Variants in RIT2 observed in about 807,000 individuals in gnomAD.
RIT2 encodes GTP-binding protein Rit2.
RIT2 carries 24 observed loss-of-function variants against 23.7 expected under a neutral mutation model. That is an observed-to-expected ratio of 1.01 (90% confidence interval 0.73 to 1.43). The LOEUF is 1.43. Ranked by LOEUF, RIT2 falls within the 40% of genes most tolerant of loss-of-function variation. The pLI is 0.00. For missense variants in RIT2, 236 were observed against 266.9 expected, an observed-to-expected ratio of 0.88 and a Z score of 0.81; for synonymous variants, 107 against 91.1, an observed-to-expected ratio of 1.17 and a Z score of -0.99.
intron 1 of RIT2, among the ~76,000 whole-genome samples, chr18:43,110,907 TAAAATATTTACTATAGG>T (rs1280432332): frequency 6.6e-6 from 1 of 152,154 alleles, no homozygotes; most frequent in African/African-American, 2.4e-5. Context: ...ACATAGATAG[TAAAATATTTACTATAGG>T]AAAACAAATT....
chr18:42,987,408 T>C (rs1182757910), intron 2 of RIT2, among the ~76,000 whole-genome samples: 2 of 152,170 alleles, frequency 1.3e-5, no homozygotes, highest in African/African-American at 2.4e-5. Flanking sequence ...GCAACCTAGA[T>C]ACCTATCTGA....
intron 4 of RIT2, among the ~76,000 whole-genome samples, chr18:42,822,937 A>T (rs750397840): frequency 5.9e-5 from 9 of 152,180 alleles, no homozygotes; most frequent in Non-Finnish European, 1.0e-4. Context: ...CCTTGGAAGC[A>T]GAGTTTAGGC....
chr18:42,959,567 T>G (rs559848121), intron 3 of RIT2, among the ~76,000 whole-genome samples: 98 of 152,336 alleles, frequency 6.4e-4, no homozygotes, highest in Non-Finnish European at 1.2e-3. Flanking sequence ...AGACTTCCAT[T>G]CAATTTTGAA....
intron 3 of RIT2, among the ~76,000 whole-genome samples, chr18:42,954,567 A>G (rs959208470): frequency 5.3e-5 from 8 of 152,012 alleles, no homozygotes; most frequent in African/African-American, 1.9e-4. Context: ...ACACAGCCTC[A>G]CAAGCTCCAT....
intron 1 of RIT2, among the ~76,000 whole-genome samples, chr18:43,110,181 A>T (rs1443385108): frequency 2.0e-5 from 3 of 152,100 alleles, no homozygotes; most frequent in South Asian, 4.1e-4. Flanking sequence ...AATTATTTAA[A>T]TCTTAAAACA....
chr18:42,930,512 C>T (rs1909300821), intron 3 of RIT2, among the ~76,000 whole-genome samples: 1 of 151,986 alleles, frequency 6.6e-6, no homozygotes, highest in Admixed American at 6.6e-5. Context: ...ATCAGAGACA[C>T]ATTGATACCA....
chr18:43,033,195 C>T (rs904157891), intron 2 of RIT2, among the ~76,000 whole-genome samples: 3 of 152,114 alleles, frequency 2.0e-5, no homozygotes, highest in African/African-American at 4.8e-5. Context: ...ATCTTTTGTG[C>T]TTTGAATGAG....
intron 4 of RIT2, among the ~76,000 whole-genome samples, chr18:42,893,151 C>G (rs929385440): frequency 1.1e-4 from 17 of 150,124 alleles, no homozygotes; most frequent in African/African-American, 4.2e-4. Flanking sequence ...TCGCTTAAAC[C>G]CAGAAGGCAG....
chr18:43,106,654 C>G (rs1487354217), intron 1 of RIT2, among the ~76,000 whole-genome samples: 1 of 152,194 alleles, frequency 6.6e-6, no homozygotes, highest in Non-Finnish European at 1.5e-5. Flanking sequence ...TTACATCCTT[C>G]ATGCATACTT....
intron 2 of RIT2, among the ~76,000 whole-genome samples, chr18:43,033,359 GATA>G (rs777128293): frequency 6.6e-6 from 1 of 152,026 alleles, no homozygotes; most frequent in Non-Finnish European, 1.5e-5. Flanking sequence ...GAGAATGATG[GATA>G]ATATTATGTC....
At chr18:42,915,151 T>TACAC (rs71918963) in intron 4 of RIT2, among the ~76,000 whole-genome samples, 2,026 of 145,924 alleles carry the variant, frequency 0.014, 32 homozygotes, top group East Asian at 0.084. Context: ...CATATAATTA[T>TACAC]ACACACACAC....
At chr18:43,019,550 G>A in intron 2 of RIT2, among the ~76,000 whole-genome samples, 1 of 151,574 alleles carries the variant, frequency 6.6e-6, no homozygotes, top group East Asian at 1.9e-4. Context: ...CATAATAAAG[G>A]CAATATATGA....
chr18:42,844,470 AG>A (rs549691516), intron 4 of RIT2, among the ~76,000 whole-genome samples: 1 of 152,094 alleles, frequency 6.6e-6, no homozygotes, highest in Non-Finnish European at 1.5e-5. Flanking sequence ...TCAGTGTAGA[AG>A]GAAGCTGGAG....
chr18:43,100,310 G>A (rs182644792), intron 1 of RIT2, among the ~76,000 whole-genome samples: 1 of 152,246 alleles, frequency 6.6e-6, no homozygotes, highest in East Asian at 1.9e-4. Context: ...CCCTAAAAGG[G>A]AAGTGTGCCT....
chr18:42,847,532 G>A (rs679891), intron 4 of RIT2, among the ~76,000 whole-genome samples: 3 of 151,882 alleles, frequency 2.0e-5, no homozygotes, highest in Non-Finnish European at 4.4e-5. Flanking sequence ...TGTAGGTAGT[G>A]CATTTAATAA....
intron 4 of RIT2, among the ~76,000 whole-genome samples, chr18:42,825,170 TAA>T (rs1491586453): frequency 6.6e-6 from 1 of 151,900 alleles, no homozygotes; most frequent in African/African-American, 2.4e-5. Flanking sequence ...TTATTTCCAT[TAA>T]TATATATAAT....
At chr18:43,110,445 A>G (rs79576710) in intron 1 of RIT2, among the ~76,000 whole-genome samples, 25,973 of 152,096 alleles carry the variant, frequency 0.17, 2,404 homozygotes, top group East Asian at 0.37. Context: ...ACAATATTTC[A>G]TCATGCTCTG....
At chr18:42,966,825 CATAT>C (rs146823614) in intron 3 of RIT2, among the ~76,000 whole-genome samples, 5 of 150,506 alleles carry the variant, frequency 3.3e-5, no homozygotes, top group African/African-American at 1.2e-4. Flanking sequence ...CACATATAGA[CATAT>C]ATATATATAT....
intron 4 of RIT2, among the ~76,000 whole-genome samples, chr18:42,809,576 C>T (rs763791011): frequency 1.3e-5 from 2 of 151,792 alleles, no homozygotes; most frequent in Non-Finnish European, 2.9e-5. Context: ...CTGATTTCTA[C>T]CAGCCTTGAA....
Sources: allele counts gnomAD v4.1 joint callset (sites outside exome capture counted in the v4.1 genomes callset), GRCh38; gene constraint gnomAD v4.1.1; transcripts MANE v1.5; gene names NCBI Gene and HGNC (gene_info 2026-07-23, HGNC 2026-07-21).